PI4KA: variants seen among roughly 807,000 people sequenced by gnomAD.
PI4KA encodes PI4-kinase alpha.
A neutral mutation model predicts 271.4 loss-of-function variants in PI4KA; 122 were observed. The observed-to-expected ratio is 0.45, with a 90% CI of 0.39 to 0.52. The LOEUF is 0.52. Ranked by LOEUF, PI4KA falls within the 20% of genes least tolerant of loss-of-function variation. The pLI is 0.00. For synonymous variants in PI4KA, 1,041 were observed against 1,078.8 expected, an observed-to-expected ratio of 0.96 and a Z score of 0.69; for missense variants, 1,969 against 2,769.1, an observed-to-expected ratio of 0.71 and a Z score of 6.48.
intron 47 of PI4KA, among the ~76,000 whole-genome samples, chr22:20,714,183 C>CA (rs1925685490): frequency 3.3e-5 from 5 of 152,022 alleles, no homozygotes; most frequent in African/African-American, 1.2e-4. Flanking sequence ...GAAACTAACA[C>CA]CCCCCAACAG....
chr22:20,744,772 G>A (rs772335077), intron 29 of PI4KA, 52 bp from the exon 30 acceptor site: 64 of 1,436,936 alleles, frequency 4.5e-5, no homozygotes, highest in Non-Finnish European at 5.1e-5. Context: ...TCCTTTCCTC[G>A]TGTTTACCAT....
At chr22:20,746,712 G>A (rs1015987320) in intron 29 of PI4KA, among the ~76,000 whole-genome samples, 3 of 152,218 alleles carry the variant, frequency 2.0e-5, no homozygotes, top group African/African-American at 7.2e-5. Context: ...GGCCCTGCAG[G>A]TGCAGGCTGG....
At chr22:20,810,379 G>T (rs1441954424) in intron 9 of PI4KA, among the ~76,000 whole-genome samples, 3 of 151,910 alleles carry the variant, frequency 2.0e-5, no homozygotes, top group Non-Finnish European at 1.5e-5. Flanking sequence ...TGTGGTGGAG[G>T]GTGCCTGTAG....
At chr22:20,802,937 C>G (rs1935411816) in intron 13 of PI4KA, among the ~76,000 whole-genome samples, 1 of 152,150 alleles carries the variant, frequency 6.6e-6, no homozygotes, top group South Asian at 2.1e-4. Context: ...ACAGGATTTG[C>G]ATTTCAGACT....
rs372043964 is a variant in PI4KA at position 20,739,994 on chromosome 22, G to A, written c.3741+2234C>T. ...GGAGAATCACTTGAACCCACGAGGC[G>A]GAGGTTGCAGTGAGCCAAGATTGTG... On this transcript the variant is annotated intron_variant, in intron 32 of 54. Coordinates refer to ENST00000255882, the MANE Select transcript of PI4KA (RefSeq NM_058004.4). 3.1e-4 allele frequency among the ~76,000 whole-genome samples: 47 copies of A among 149,974 alleles called. No homozygotes were observed. The South Asian group carries it at 3.4e-3, about 11-fold the overall frequency.
chr22:20,751,907 T>C, intron 25 of PI4KA, 152 bp from the exon 26 acceptor site: 1 of 665,002 alleles, frequency 1.5e-6, no homozygotes, highest in Non-Finnish European at 2.7e-6. Context: ...ATGCCTGGCC[T>C]CCTCAGGCTC....
chr22:20,809,060 T>C (rs1935844759), intron 9 of PI4KA, among the ~76,000 whole-genome samples: 1 of 152,130 alleles, frequency 6.6e-6, no homozygotes, highest in South Asian at 2.1e-4. Flanking sequence ...AGCACTGCAA[T>C]GATGGCTTTA....
At chr22:20,782,795 A>G (rs1933899736) in intron 19 of PI4KA, among the ~76,000 whole-genome samples, 1 of 152,140 alleles carries the variant, frequency 6.6e-6, no homozygotes, top group South Asian at 2.1e-4. Flanking sequence ...ATTGCCACAA[A>G]CTATTATGTG....
At chr22:20,725,364 C>CT (rs1156307650) in intron 42 of PI4KA, 4 of 258,264 alleles carry the variant, frequency 1.5e-5, no homozygotes, top group East Asian at 1.9e-4. Context: ...GTGCTGAGCA[C>CT]TTTATGTCCA....
intron 52 of PI4KA, chr22:20,710,304 C>G: frequency 3.7e-6 from 2 of 540,386 alleles, no homozygotes; most frequent in South Asian, 4.1e-5. Context: ...CTGCCTTTCT[C>G]TGCAGGGCAG....
intron 45 of PI4KA, among the ~76,000 whole-genome samples, chr22:20,716,347 C>T (rs1168063608): frequency 6.6e-6 from 1 of 152,218 alleles, no homozygotes; most frequent in Non-Finnish European, 1.5e-5. Context: ...CCACCGCACC[C>T]GGCCCAGGCT....
chr22:20,753,441 C>G (rs1255985369), intron 23 of PI4KA, among the ~76,000 whole-genome samples: 1 of 152,202 alleles, frequency 6.6e-6, no homozygotes, highest in African/African-American at 2.4e-5. Flanking sequence ...GTCTCCCACA[C>G]ATGCCCCGCT....
chr22:20,726,750 C>T (rs1009076019), intron 41 of PI4KA, among the ~76,000 whole-genome samples: 23 of 152,306 alleles, frequency 1.5e-4, no homozygotes, highest in African/African-American at 5.1e-4. Flanking sequence ...CTACAGCGGG[C>T]GAGGGCCTCG....
intron 26 of PI4KA, 120 bp from the exon 27 acceptor site, chr22:20,751,496 A>G (rs574309977): frequency 1.0e-6 from 1 of 989,774 alleles, no homozygotes; most frequent in South Asian, 1.5e-5. Context: ...ACTTGATGCA[A>G]CTTATTGCAA....
intron 19 of PI4KA, among the ~76,000 whole-genome samples, chr22:20,772,810 C>T (rs361682): frequency 0.39 from 58,799 of 151,876 alleles, 11,972 homozygotes; most frequent in African/African-American, 0.5. Context: ...TATCATAAGG[C>T]CGGGCACAGT....
rs578090355 is a variant in PI4KA at position 20,821,617 on chromosome 22, G to A, written c.457-1006C>T. On this transcript the variant is annotated intron_variant, in intron 4 of 54. Transcript: ENST00000255882. ...TGTTTGTTTGTTTGTTTTGAGGCGCGGTTTCACTCTTGTTGCCCAGGCTGC... is the reference window on the plus strand; with the variant it reads ...TGTTTGTTTGTTTGTTTTGAGGCGCAGTTTCACTCTTGTTGCCCAGGCTGC... Among the ~76,000 whole-genome samples the A allele has an allele frequency of 3.2e-3, 379 of 116,894 alleles. 4 individuals are homozygous for A. The highest frequency in any genetic ancestry group is 0.012 in the African/African-American group (361 of 29,014). The allele number at this position is 116,894 out of a possible 152,430, so 76.7% of individuals were successfully genotyped here.
chr22:20,789,477 G>A (rs763860068), intron 19 of PI4KA, among the ~76,000 whole-genome samples: 1 of 152,142 alleles, frequency 6.6e-6, no homozygotes, highest in African/African-American at 2.4e-5. Flanking sequence ...CTACAGGCAC[G>A]TGCCACCACG....
intron 19 of PI4KA, among the ~76,000 whole-genome samples, chr22:20,773,169 T>C (rs1932970370): frequency 1.3e-5 from 2 of 152,076 alleles, no homozygotes; most frequent in Non-Finnish European, 2.9e-5. Context: ...GAGGATCACT[T>C]CACTCCAGGA....
chr22:20,716,771 G>A lies in PI4KA; in HGVS notation c.5317+937C>T, dbSNP rs2080332. Among the ~76,000 whole-genome samples the A allele has an allele frequency of 8.7e-3, 1,116 of 128,116 alleles. 6 individuals are homozygous for A. Among genetic ancestry groups the A allele is most frequent in the African/African-American group, 0.026 (875 of 33,682 alleles). The allele number at this position is 128,116 out of a possible 152,430, so 84.0% of individuals were successfully genotyped here. A position where few individuals can be genotyped will look rare whatever the true frequency, so the allele number is the denominator to read the frequency against. ...TTGTGGCCTTCCCGATGCGGGAACA[G>A]AGGCCCTGCATACATGTCCTGCCCT... On this transcript the variant is annotated intron_variant, in intron 45 of 54. Transcript: ENST00000255882.
Sources: allele counts gnomAD v4.1 joint callset (sites outside exome capture counted in the v4.1 genomes callset), GRCh38; gene constraint gnomAD v4.1.1; transcripts MANE v1.5; gene names NCBI Gene and HGNC (gene_info 2026-07-23, HGNC 2026-07-21).